Variants in ARHGAP28 observed in about 807,000 individuals in gnomAD.
The protein encoded by ARHGAP28 is rho GTPase-activating protein 28.
In ARHGAP28, 56 loss-of-function variants were observed where a neutral mutation model predicts 90.7. That is an observed-to-expected ratio of 0.62 (90% CI 0.50 to 0.77). The LOEUF is 0.77. Among genes scored for constraint, ARHGAP28 ranks in the 30% least tolerant of loss-of-function variants. The pLI is 0.00. For synonymous variants in ARHGAP28, 308 were observed against 323.3 expected (o/e 0.95, Z 0.51); for missense variants, 869 against 900.9 (o/e 0.96, Z 0.45).
intron 1 of ARHGAP28, among the ~76,000 whole-genome samples, chr18:6,773,568 A>C (rs951422496): frequency 1.5e-4 from 23 of 152,208 alleles, no homozygotes; most frequent in Admixed American, 1.5e-3. Context: ...AAGGGCTCAA[A>C]GCTAGTAAAT....
Position 6,729,879 on chromosome 18 carries a change from G to GC in ARHGAP28, c.61dup (p.Gln21ProfsTer31). 2 of 1,433,634 alleles carry GC rather than the reference G, an allele frequency of 1.4e-6. No homozygotes were observed. Among genetic ancestry groups the GC allele is most frequent in the East Asian group, 3.1e-5 (1 of 32,720 alleles). 88.8% of individuals were successfully genotyped at this position (1,433,634 alleles called of 1,614,324 possible). On this transcript the variant is annotated frameshift_variant, in exon 1 of 18. Transcript: ENST00000383472. LOFTEE classifies it high-confidence loss of function. ...GACCGCCTACCACTCGTACGCGCGC[G>GC]CCCAGCCCCCCAACGCCGAGTCGCG...
At chr18:6,874,140 A>C (rs1466134964) in intron 9 of ARHGAP28, among the ~76,000 whole-genome samples, 1 of 152,256 alleles carries the variant, frequency 6.6e-6, no homozygotes, top group African/African-American at 2.4e-5. Flanking sequence ...TATCTAGATA[A>C]AGATGACCAT....
At chr18:6,777,726 A>G (rs1278974428) in intron 1 of ARHGAP28, among the ~76,000 whole-genome samples, 1 of 146,272 alleles carries the variant, frequency 6.8e-6, no homozygotes, top group African/African-American at 2.6e-5. Flanking sequence ...CCCTGTCTCA[A>G]TGAATGAATG....
chr18:6,843,232 C>T (rs1469491149), intron 3 of ARHGAP28, among the ~76,000 whole-genome samples: 1 of 151,978 alleles, frequency 6.6e-6, no homozygotes, highest in African/African-American at 2.4e-5. Flanking sequence ...CCTACAACAC[C>T]CTCACTGGGA....
chr18:6,731,931 C>G (rs766002830), intron 1 of ARHGAP28, among the ~76,000 whole-genome samples: 1 of 152,052 alleles, frequency 6.6e-6, no homozygotes, highest in Non-Finnish European at 1.5e-5. Flanking sequence ...CTTTAAATTG[C>G]TTACACATTT....
chr18:6,869,250 A>ATTTTTTTTTTTTTTTTTTT (rs2057062449), intron 6 of ARHGAP28, among the ~76,000 whole-genome samples: 3 of 103,812 alleles, frequency 2.9e-5, no homozygotes, highest in Non-Finnish European at 4.0e-5. Flanking sequence ...TCCTTTTGCC[A>ATTTTTTTTTTTTTTTTTTT]TTCTTTTTTT....
chr18:6,799,738 A>G (rs955770911), intron 1 of ARHGAP28, among the ~76,000 whole-genome samples: 1 of 152,206 alleles, frequency 6.6e-6, no homozygotes, highest in African/African-American at 2.4e-5. Flanking sequence ...ACTTAAACGT[A>G]AGACCTAAAA....
chr18:6,830,398 T>A (rs1204381731), intron 2 of ARHGAP28, among the ~76,000 whole-genome samples: 1 of 152,076 alleles, frequency 6.6e-6, no homozygotes, highest in Non-Finnish European at 1.5e-5. Context: ...TACACAGATA[T>A]ACACGTGCCA....
intron 2 of ARHGAP28, among the ~76,000 whole-genome samples, chr18:6,827,143 C>A (rs1196106805): frequency 1.3e-5 from 2 of 152,216 alleles, no homozygotes; most frequent in Admixed American, 1.3e-4. Context: ...CACCTTTCCC[C>A]GCTTTCTATT....
chr18:6,890,512 A>G lies in ARHGAP28; in HGVS notation c.1817A>G (p.Lys606Arg), dbSNP rs2057256985. The G allele has an allele frequency of 6.2e-7, 1 of 1,613,234 alleles. No individual in the cohort carries two copies. Among genetic ancestry groups the G allele is most frequent in the African/African-American group, 1.3e-5 (1 of 74,912 alleles). ...LLKKQLPSVR[K>R]LLRRKTLERE... ...AAGAAGCAGCTCCCAAGTGTCAGGA[A>G]GCTGCTCAGGAGGAAGACCCTCGAG... Residue 606 changes from lysine to arginine, a missense_variant, in exon 14 of 18, where the codon AAG becomes AGG. Transcript: ENST00000383472.
At chr18:6,745,050 A>G (rs867471680) in intron 1 of ARHGAP28, among the ~76,000 whole-genome samples, 1 of 152,122 alleles carries the variant, frequency 6.6e-6, no homozygotes, top group Non-Finnish European at 1.5e-5. Context: ...GAAAAATTTA[A>G]TAGAATTTAA....
In ARHGAP28 at chr18:6,812,162, A is replaced by G. The variant is rs1341149768; in HGVS notation, c.123-12600A>G. Among the ~76,000 whole-genome samples the G allele has an allele frequency of 2.6e-5, 4 of 152,154 alleles. 1 individual carries two copies. The highest frequency in any genetic ancestry group is 9.7e-5 in the African/African-American group (4 of 41,436). ...GAGCCTTGGTAGAATTTTGTTTTAC[A>G]CCTCTACTGAAATATAGATATTCTG... On this transcript the variant is annotated intron_variant, in intron 1 of 17. Transcript: ENST00000383472.
chr18:6,813,019 T>C (rs2056567409), intron 1 of ARHGAP28, among the ~76,000 whole-genome samples: 3 of 152,238 alleles, frequency 2.0e-5, no homozygotes, highest in Non-Finnish European at 4.4e-5. Context: ...AGAGAACTAA[T>C]GTCAAATGCT....
chr18:6,759,700 A>T (rs1222670559), intron 1 of ARHGAP28, among the ~76,000 whole-genome samples: 10 of 152,244 alleles, frequency 6.6e-5, no homozygotes, highest in Admixed American at 6.5e-4. Flanking sequence ...GAACACTTTC[A>T]GATTCCTATC....
chr18:6,855,086 A>G (rs1444981107), intron 4 of ARHGAP28, among the ~76,000 whole-genome samples: 1 of 152,208 alleles, frequency 6.6e-6, no homozygotes, highest in Non-Finnish European at 1.5e-5. Context: ...GCCCCTCAGC[A>G]GGAACAGCCT....
chr18:6,806,780 C>T (rs1007711780), intron 1 of ARHGAP28, among the ~76,000 whole-genome samples: 2 of 151,962 alleles, frequency 1.3e-5, no homozygotes, highest in Non-Finnish European at 2.9e-5. Context: ...TTTCCTGTAA[C>T]ATTTCTTATG....
intron 14 of ARHGAP28, among the ~76,000 whole-genome samples, chr18:6,894,225 A>G (rs1456632561): frequency 1.3e-5 from 2 of 152,148 alleles, no homozygotes; most frequent in African/African-American, 2.4e-5. Flanking sequence ...TTAACAAGTT[A>G]TAAATTTAGA....
chr18:6,762,099 G>T (rs2056164888), intron 1 of ARHGAP28, among the ~76,000 whole-genome samples: 1 of 152,144 alleles, frequency 6.6e-6, no homozygotes, highest in Admixed American at 6.5e-5. Context: ...TCACCCCATT[G>T]ATTAGCTTTC....
chr18:6,764,239 C>T (rs555615247), intron 1 of ARHGAP28, among the ~76,000 whole-genome samples: 1 of 152,202 alleles, frequency 6.6e-6, no homozygotes, highest in South Asian at 2.1e-4. Context: ...ATCCAGGGTG[C>T]ATGAATATTA....
Sources: gnomAD v4.1 joint callset for allele counts (sites outside exome capture counted in the v4.1 genomes callset) on GRCh38, gnomAD v4.1.1 for gene constraint, MANE v1.5 for transcripts, NCBI Gene and HGNC (gene_info 2026-07-23, HGNC 2026-07-21) for gene names.